Variants in SH3GL2 observed in about 807,000 individuals in gnomAD.
SH3GL2 encodes the protein SH3 domain containing GRB2 like 2, endophilin A1.
Under a neutral mutation model 46.0 loss-of-function variants are expected in SH3GL2, and 24 were observed. The ratio of observed to expected loss-of-function variants is 0.52; its 90% confidence interval spans 0.38 to 0.73. The LOEUF (loss-of-function observed/expected upper bound fraction) is 0.73, where lower values mean the gene tolerates loss of function less well. SH3GL2 is among the 30% of genes least tolerant of loss of function. SH3GL2 has a pLI of 0.00. For missense variants in SH3GL2, 413 were observed against 424.2 expected (o/e 0.97, Z 0.23); for synonymous variants, 196 against 147.1 (o/e 1.33, Z -2.40).
chr9:17,617,855 G>C (rs1469274562), intron 1 of SH3GL2, among the ~76,000 whole-genome samples: 1 of 152,102 alleles, frequency 6.6e-6, no homozygotes, highest in Non-Finnish European at 1.5e-5. Flanking sequence ...CTGTTTGTGA[G>C]CGCGAGAGAA....
chr9:17,750,904 A>G (rs1030187974), intron 2 of SH3GL2, among the ~76,000 whole-genome samples: 6 of 152,202 alleles, frequency 3.9e-5, no homozygotes, highest in African/African-American at 1.4e-4. Context: ...TCAGTACCTT[A>G]CAGAACATAG....
chr9:17,754,091 A>G (rs909929690), intron 2 of SH3GL2, among the ~76,000 whole-genome samples: 3 of 152,096 alleles, frequency 2.0e-5, no homozygotes, highest in Non-Finnish European at 2.9e-5. Flanking sequence ...GCCCTGTAGT[A>G]TAGTTTGAAG....
chr9:17,617,414 G>A (rs1394224771), intron 1 of SH3GL2, among the ~76,000 whole-genome samples: 1 of 152,184 alleles, frequency 6.6e-6, no homozygotes, highest in African/African-American at 2.4e-5. Flanking sequence ...GGCATCATTG[G>A]AGTAGAAGGC....
intron 1 of SH3GL2, among the ~76,000 whole-genome samples, chr9:17,682,538 A>G (rs755520541): frequency 6.6e-6 from 1 of 152,066 alleles, no homozygotes; most frequent in Non-Finnish European, 1.5e-5. Context: ...GGGAACCAAC[A>G]TGCACCAGGG....
intron 1 of SH3GL2, among the ~76,000 whole-genome samples, chr9:17,652,889 A>G (rs999468330): frequency 1.3e-5 from 2 of 152,152 alleles, no homozygotes; most frequent in Admixed American, 6.5e-5. Flanking sequence ...TTTCAGGTAC[A>G]TATACCTCTG....
At chr9:17,794,910 T>C (rs1217897241) in intron 8 of SH3GL2, among the ~76,000 whole-genome samples, 1 of 152,252 alleles carries the variant, frequency 6.6e-6, no homozygotes, top group Non-Finnish European at 1.5e-5. Flanking sequence ...GTCCTACTGT[T>C]ACATCCAATT....
At chr9:17,702,845 A>G (rs138928859) in intron 1 of SH3GL2, among the ~76,000 whole-genome samples, 5 of 152,228 alleles carry the variant, frequency 3.3e-5, no homozygotes, top group Middle Eastern at 3.4e-3. Context: ...AGAAATTTCT[A>G]TTAAACTAAA....
chr9:17,729,300 T>C (rs1822109624), intron 1 of SH3GL2, among the ~76,000 whole-genome samples: 1 of 139,948 alleles, frequency 7.1e-6, no homozygotes, highest in Non-Finnish European at 1.5e-5. Flanking sequence ...CTTCGCCCAC[T>C]TTTTGATGGG....
chr9:17,774,551 G>T (rs796821727), intron 3 of SH3GL2, among the ~76,000 whole-genome samples: 7 of 147,618 alleles, frequency 4.7e-5, no homozygotes, highest in African/African-American at 7.5e-5. Flanking sequence ...CGTGTGTGTG[G>T]TTTTTTTTTT....
chr9:17,668,457 T>C (rs1186527253), intron 1 of SH3GL2, among the ~76,000 whole-genome samples: 5 of 152,216 alleles, frequency 3.3e-5, no homozygotes, highest in Admixed American at 6.5e-5. Flanking sequence ...CATTTGTCTT[T>C]TGAGATTGCT....
At chr9:17,619,690 A>AAAT (rs1229916019) in intron 1 of SH3GL2, among the ~76,000 whole-genome samples, 1 of 151,922 alleles carries the variant, frequency 6.6e-6, no homozygotes, top group African/African-American at 2.4e-5. Context: ...AAAAAAAATA[A>AAAT]AATAAAATAA....
intron 1 of SH3GL2, among the ~76,000 whole-genome samples, chr9:17,604,364 GGTT>G (rs1362224148): frequency 6.6e-6 from 1 of 152,186 alleles, no homozygotes; most frequent in African/African-American, 2.4e-5. Context: ...TATCCTATGA[GGTT>G]GTTATGGGGA....
At chr9:17,777,426 G>A (rs1009841519) in intron 3 of SH3GL2, among the ~76,000 whole-genome samples, 2 of 152,078 alleles carry the variant, frequency 1.3e-5, no homozygotes, top group African/African-American at 4.8e-5. Context: ...AGTTTAAAAA[G>A]AAAGTATATG....
chr9:17,677,801 C>T (rs1384894853), intron 1 of SH3GL2, among the ~76,000 whole-genome samples: 1 of 151,810 alleles, frequency 6.6e-6, no homozygotes, highest in African/African-American at 2.4e-5. Flanking sequence ...CACAACAGGC[C>T]CCCGTGTGTG....
chr9:17,708,871 T>G (rs1821544591), intron 1 of SH3GL2, among the ~76,000 whole-genome samples: 1 of 152,044 alleles, frequency 6.6e-6, no homozygotes, highest in African/African-American at 2.4e-5. Context: ...ATCTTAGATT[T>G]TACTGGAATG....
chr9:17,792,869 G>T (rs146439956), intron 7 of SH3GL2, among the ~76,000 whole-genome samples: 2 of 152,124 alleles, frequency 1.3e-5, no homozygotes, highest in Non-Finnish European at 2.9e-5. Flanking sequence ...TTTGTGTTCT[G>T]TCTCCCTTAC....
chr9:17,776,809 A>G (rs1823653218), intron 3 of SH3GL2, among the ~76,000 whole-genome samples: 1 of 152,178 alleles, frequency 6.6e-6, no homozygotes. Flanking sequence ...TTTCTGGAAG[A>G]AAAACCTTGA....
At chr9:17,708,926 A>G (rs1185286013) in intron 1 of SH3GL2, among the ~76,000 whole-genome samples, 2 of 152,008 alleles carry the variant, frequency 1.3e-5, no homozygotes, top group East Asian at 3.9e-4. Flanking sequence ...TAAGAATTCC[A>G]TTTCCAGCAT....
At chr9:17,688,538 T>C (rs769486124) in intron 1 of SH3GL2, among the ~76,000 whole-genome samples, 2 of 151,984 alleles carry the variant, frequency 1.3e-5, no homozygotes, top group African/African-American at 2.4e-5. Flanking sequence ...AATACCATCC[T>C]TCAGTAAAAG....
Sources: allele counts gnomAD v4.1 joint callset (sites outside exome capture counted in the v4.1 genomes callset), GRCh38; gene constraint gnomAD v4.1.1; transcripts MANE v1.5; gene names NCBI Gene and HGNC (gene_info 2026-07-23, HGNC 2026-07-21).